Variants in COL22A1 observed in about 807,000 individuals in gnomAD.
The protein encoded by COL22A1 is collagen alpha-1(XXII) chain.
A neutral mutation model predicts 248.9 loss-of-function variants in COL22A1; 221 were observed. The observed-to-expected ratio is 0.89, with a 90% CI of 0.80 to 0.99. The LOEUF (loss-of-function observed/expected upper bound fraction) is 0.99. Among genes scored for constraint, COL22A1 ranks in the 50% least tolerant of loss-of-function variants. The pLI, the probability that COL22A1 is intolerant of heterozygous loss-of-function variation, is 0.00. For missense variants in COL22A1, 2,240 were observed against 2,179.0 expected, an observed-to-expected ratio of 1.03 and a Z score of -0.56; for synonymous variants, 891 against 793.4, an observed-to-expected ratio of 1.12 and a Z score of -2.07.
Position 138,588,673 on chromosome 8 carries a change from G to A in COL22A1, c.*580C>T, listed in dbSNP as rs1403367792. The A allele has an allele frequency of 6.6e-6, 1 of 152,226 alleles. No individual in the cohort carries two copies. Among genetic ancestry groups the A allele is most frequent in the Non-Finnish European group, 1.5e-5 (1 of 68,086 alleles). 9.4% of individuals were successfully genotyped at this position (152,226 alleles called of 1,614,324 possible). ...GTGTTTTCCAAATGCACGTCCCGTC[G>A]GGAGGTGGGAACATTCCTCATGGTT... is the stretch of plus-strand genomic sequence containing the variant. On this transcript the variant is annotated 3_prime_UTR_variant, in exon 65 of 65. Coordinates refer to ENST00000303045, the MANE Select transcript of COL22A1 (RefSeq NM_152888.3).
At chr8:138,796,389 C>CTT (rs11284610) in intron 12 of COL22A1, among the ~76,000 whole-genome samples, 7 of 26,310 alleles carry the variant, frequency 2.7e-4, no homozygotes, top group African/African-American at 5.4e-4. Context: ...TGCTACTTTC[C>CTT]TTTTTTTTTT....
intron 24 of COL22A1, 60 bp from the exon 25 acceptor site, chr8:138,724,728 T>G: frequency 6.5e-7 from 1 of 1,527,522 alleles, no homozygotes; most frequent in Non-Finnish European, 9.1e-7. Context: ...GATCATTGAC[T>G]CAACCTCTTT....
chr8:138,820,312 G>A (rs1372950061), intron 7 of COL22A1, among the ~76,000 whole-genome samples: 5 of 152,144 alleles, frequency 3.3e-5, no homozygotes, highest in Admixed American at 2.6e-4. Context: ...GGATGCTCTT[G>A]GGCATGGGAG....
chr8:138,713,792 T>C (rs1829224329), intron 30 of COL22A1, among the ~76,000 whole-genome samples: 1 of 152,178 alleles, frequency 6.6e-6, no homozygotes, highest in South Asian at 2.1e-4. Flanking sequence ...TTATGTTTTC[T>C]GATCAGCACA....
chr8:138,895,715 G>C (rs1245698727), intron 1 of COL22A1, among the ~76,000 whole-genome samples: 1 of 152,106 alleles, frequency 6.6e-6, no homozygotes, highest in Non-Finnish European at 1.5e-5. Flanking sequence ...CAGCAATCCA[G>C]GGAGAGAAGA....
rs748976593 is a variant in COL22A1, at chr8:138,737,523, C to A, written c.2139+1G>T. 8 of 1,604,588 alleles carry A rather than the reference C, an allele frequency of 5.0e-6. No individual in the cohort carries two copies. The South Asian group carries it at 8.8e-5, about 18-fold the overall frequency. Reference sequence around the variant, plus strand: ...TGGAAGAGAATGTAAAAGGTAGTTACCTGCAGCCCCAGCAATCCAGGGATT... The same window carrying A: ...TGGAAGAGAATGTAAAAGGTAGTTAACTGCAGCCCCAGCAATCCAGGGATT... On this transcript the variant is annotated splice_donor_variant, in intron 23 of 64. Coordinates refer to ENST00000303045, the MANE Select transcript of COL22A1 (RefSeq NM_152888.3). LOFTEE classifies it high-confidence loss of function.
rs760121851 is a variant in COL22A1, at chr8:138,589,336, C to T, written c.4798G>A (p.Gly1600Ser). ...GAAGGGTCACATTGGCCTGGGGGACCGGGAGGTCCTGGGAGGCCAGGATGT... is the reference window on the plus strand; with the variant it reads ...GAAGGGTCACATTGGCCTGGGGGACTGGGAGGTCCTGGGAGGCCAGGATGT... ...AGHPGLPGPP[G>S]PPGQCDPSQC... The change falls in exon 65 of 65, where the codon GGT (glycine) becomes AGT (serine). Residue 1600 changes from glycine to serine, a missense_variant. Physicochemically the swap from Gly to Ser is moderately conservative, Grantham distance 56 (BLOSUM62 0). Coordinates refer to ENST00000303045, the MANE Select transcript of COL22A1 (RefSeq NM_152888.3). 97 of 1,612,432 alleles carry T rather than the reference C, an allele frequency of 6.0e-5. No individual in the cohort carries two copies. Among genetic ancestry groups the T allele is most frequent in the Non-Finnish European group, 7.8e-5 (92 of 1,179,310 alleles).
chr8:138,658,104 G>A (rs1161216024), intron 44 of COL22A1, among the ~76,000 whole-genome samples: 1 of 152,192 alleles, frequency 6.6e-6, no homozygotes. Flanking sequence ...GGAGGATCCT[G>A]GAACAGGAAT....
intron 17 of COL22A1, among the ~76,000 whole-genome samples, chr8:138,761,337 C>T (rs1001631065): frequency 6.6e-6 from 1 of 152,164 alleles, no homozygotes; most frequent in Non-Finnish European, 1.5e-5. Flanking sequence ...TACATTCATA[C>T]CATAGACCAT....
rs766553387 is a variant in COL22A1 at position 138,812,956 on chromosome 8, CACA to C, written c.1306_1308del (p.Cys436del). 119 of 1,613,842 alleles carry C rather than the reference CACA, an allele frequency of 7.4e-5. No homozygotes were observed. The highest frequency in any genetic ancestry group is 1.6e-4 in the Middle Eastern group (1 of 6,062). ...CTGCTCACCGGACCCGAGGGGATATCACAACAAGTCTCCAATTCTGCGTGTCTC... is the reference window on the plus strand; with the variant it reads ...CTGCTCACCGGACCCGAGGGGATATCACAAGTCTCCAATTCTGCGTGTCTC... On this transcript the variant is annotated inframe_deletion, in exon 8 of 65. Coordinates refer to ENST00000303045, the MANE Select transcript of COL22A1 (RefSeq NM_152888.3).
In COL22A1 at chr8:138,715,677, C is replaced by T. The variant is rs1829377348; in HGVS notation, c.2517+5G>A. The T allele has an allele frequency of 1.2e-6, 2 of 1,609,160 alleles. No individual in the cohort carries two copies. Among genetic ancestry groups the T allele is most frequent in the African/African-American group, 1.3e-5 (1 of 74,652 alleles). On this transcript the variant is annotated splice_donor_5th_base_variant and intron_variant, in intron 30 of 64. Coordinates refer to ENST00000303045, the MANE Select transcript of COL22A1 (RefSeq NM_152888.3). The stretch of plus-strand genomic sequence containing the variant: ...ATGGTCAGAATGAGAGCAAGTTTCT[C>T]CTACCTTTTCACCTCGGTCACCTTT...
intron 7 of COL22A1, among the ~76,000 whole-genome samples, chr8:138,817,450 C>T (rs1030697021): frequency 3.3e-5 from 5 of 152,122 alleles, no homozygotes; most frequent in Admixed American, 6.5e-5. Context: ...CTGGTAGAGA[C>T]GGAAAGCCCT....
chr8:138,757,779 G>A (rs543389138), intron 18 of COL22A1, among the ~76,000 whole-genome samples: 1 of 152,344 alleles, frequency 6.6e-6, no homozygotes, highest in South Asian at 2.1e-4. Flanking sequence ...CAGAAGTCTA[G>A]TACATAATAG....
Position 138,741,401 on chromosome 8 carries a change from T to C in COL22A1, c.2086-3824A>G, listed in dbSNP as rs578185352. On this transcript the variant is annotated intron_variant, in intron 22 of 64. Transcript: ENST00000303045. ...TTCTTTCTCCAACCCCTTTCCTCTA[T>C]GATATTGTAAGGAAAAGAAGTTTAA... Among the ~76,000 whole-genome samples, 15 of 152,322 alleles carry C rather than the reference T, an allele frequency of 9.8e-5. 1 individual carries two copies. Among genetic ancestry groups the C allele is most frequent in the Admixed American group, 9.1e-4 (14 of 15,302 alleles).
chr8:138,817,232 AG>A (rs1398508564), intron 7 of COL22A1, among the ~76,000 whole-genome samples: 10 of 152,202 alleles, frequency 6.6e-5, no homozygotes, highest in Admixed American at 3.9e-4. Flanking sequence ...TAGCCTGTAA[AG>A]GGCTGTTATC....
intron 1 of COL22A1, among the ~76,000 whole-genome samples, chr8:138,893,848 G>A (rs1402623216): frequency 6.6e-6 from 1 of 152,178 alleles, no homozygotes; most frequent in Admixed American, 6.5e-5. Flanking sequence ...ATTTCCATAT[G>A]GTCAGTGGAC....
intron 12 of COL22A1, among the ~76,000 whole-genome samples, chr8:138,786,127 A>T (rs2131556884): frequency 6.6e-6 from 1 of 152,266 alleles, no homozygotes; most frequent in Middle Eastern, 3.4e-3. Context: ...GGGATCGTCA[A>T]CCTAACTTCA....
intron 22 of COL22A1, among the ~76,000 whole-genome samples, chr8:138,746,215 T>A (rs1248921571): frequency 6.6e-6 from 1 of 152,180 alleles, no homozygotes; most frequent in East Asian, 1.9e-4. Flanking sequence ...CAACCCATGT[T>A]TAGTGTCTGT....
At chr8:138,766,551 G>A (rs756456796) in intron 16 of COL22A1, among the ~76,000 whole-genome samples, 2 of 151,938 alleles carry the variant, frequency 1.3e-5, no homozygotes, top group East Asian at 1.9e-4. Flanking sequence ...TGTGAGAGAC[G>A]GAGAGAGAGA....
Sources: gnomAD v4.1 joint callset for allele counts (sites outside exome capture counted in the v4.1 genomes callset) on GRCh38, gnomAD v4.1.1 for gene constraint, MANE v1.5 for transcripts, NCBI Gene and HGNC (gene_info 2026-07-23, HGNC 2026-07-21) for gene names.